Variants in NRG3 observed in about 807,000 individuals in gnomAD.
The protein encoded by NRG3 is neuregulin 3, also known as pro-neuregulin-3, membrane-bound isoform.
NRG3 carries 31 observed loss-of-function variants against 66.9 expected under a neutral mutation model. That is an observed-to-expected ratio of 0.46 (90% CI 0.35 to 0.63). NRG3 has a LOEUF of 0.63. Ranked by LOEUF, NRG3 falls within the 20% of genes least tolerant of loss-of-function variation. The pLI, the probability that NRG3 is intolerant of heterozygous loss-of-function variation, is 0.00. For missense variants in NRG3, 910 were observed against 878.9 expected (o/e 1.04, Z -0.45); for synonymous variants, 393 against 359.4 (o/e 1.09, Z -1.06).
chr10:82,523,185 C>T (rs150530419), intron 2 of NRG3, among the ~76,000 whole-genome samples: 2 of 152,284 alleles, frequency 1.3e-5, no homozygotes, highest in African/African-American at 2.4e-5. Flanking sequence ...AGTTATTTCA[C>T]ATTTTGGCTA....
intron 2 of NRG3, among the ~76,000 whole-genome samples, chr10:82,655,693 T>C: frequency 6.6e-6 from 1 of 152,222 alleles, no homozygotes; most frequent in East Asian, 1.9e-4. Flanking sequence ...CTGATTACAG[T>C]ATTGTTTGAA....
intron 1 of NRG3, among the ~76,000 whole-genome samples, chr10:82,249,375 G>T (rs1210260532): frequency 6.6e-6 from 1 of 151,944 alleles, no homozygotes; most frequent in Non-Finnish European, 1.5e-5. Flanking sequence ...CATTTGCACC[G>T]GCCACTACCC....
rs58746808 is a variant in NRG3 at position 82,517,645 on chromosome 10, TTGTGTG to T, written c.953+158796_953+158801del. On this transcript the variant is annotated intron_variant, in intron 2 of 8. Coordinates refer to ENST00000372141, the MANE Select transcript of NRG3 (RefSeq NM_001010848.4). ...TCTCACCCCGCCCCCCCGTGTGTGTTTGTGTGTGTGTGTGTGTGTGTGTGCATGTGT... is the reference window on the plus strand; with the variant it reads ...TCTCACCCCGCCCCCCCGTGTGTGTTTGTGTGTGTGTGTGTGTGCATGTGT... Among the ~76,000 whole-genome samples the T allele has an allele frequency of 1.5e-3, 211 of 144,532 alleles. 1 individual carries two copies. Among genetic ancestry groups the T allele is most frequent in the African/African-American group, 3.8e-3 (148 of 39,286 alleles). 94.8% of individuals were successfully genotyped at this position (144,532 alleles called of 152,430 possible). A position where few individuals can be genotyped will look rare whatever the true frequency, so the allele number is the denominator to read the frequency against.
chr10:82,836,146 A>T (rs1462561700), intron 3 of NRG3, among the ~76,000 whole-genome samples: 1 of 152,114 alleles, frequency 6.6e-6, no homozygotes, highest in African/African-American at 2.4e-5. Context: ...ATATGGCCAT[A>T]CTCAGTTATT....
chr10:82,366,648 C>A (rs1388050586), intron 2 of NRG3, among the ~76,000 whole-genome samples: 1 of 151,978 alleles, frequency 6.6e-6, no homozygotes, highest in East Asian at 1.9e-4. Context: ...AATTTTGTGA[C>A]ACAATACAAT....
intron 1 of NRG3, among the ~76,000 whole-genome samples, chr10:81,960,667 G>A (rs1297037032): frequency 6.6e-6 from 1 of 151,280 alleles, no homozygotes; most frequent in Non-Finnish European, 1.5e-5. Context: ...TGGTTAAAGA[G>A]ACATACGAGA....
intron 2 of NRG3, among the ~76,000 whole-genome samples, chr10:82,420,356 T>A (rs2088970741): frequency 6.6e-6 from 1 of 152,150 alleles, no homozygotes; most frequent in Admixed American, 6.6e-5. Flanking sequence ...ACAGAATATA[T>A]AACTACATTT....
chr10:81,886,969 T>C (rs1842659374), intron 1 of NRG3, among the ~76,000 whole-genome samples: 1 of 152,180 alleles, frequency 6.6e-6, no homozygotes, highest in Admixed American at 6.6e-5. Context: ...TATTGTACTT[T>C]TTTGTATTAT....
chr10:82,427,406 C>G (rs780205854), intron 2 of NRG3, among the ~76,000 whole-genome samples: 1 of 151,984 alleles, frequency 6.6e-6, no homozygotes, highest in Non-Finnish European at 1.5e-5. Context: ...AGACTTTTTG[C>G]CAAATGCTTT....
intron 3 of NRG3, among the ~76,000 whole-genome samples, chr10:82,753,476 C>G (rs1377901565): frequency 6.6e-6 from 1 of 152,030 alleles, no homozygotes; most frequent in Non-Finnish European, 1.5e-5. Context: ...AGTTCAGGCA[C>G]AACAGGAAAC....
At chr10:82,742,996 G>A (rs575596121) in intron 3 of NRG3, among the ~76,000 whole-genome samples, 1 of 152,100 alleles carries the variant, frequency 6.6e-6, no homozygotes, top group South Asian at 2.1e-4. Flanking sequence ...ATGCTGCAGA[G>A]AACAGACTCA....
At chr10:82,884,143 C>A (rs940578766) in intron 4 of NRG3, among the ~76,000 whole-genome samples, 2 of 150,266 alleles carry the variant, frequency 1.3e-5, no homozygotes, top group Non-Finnish European at 3.0e-5. Flanking sequence ...ACCTGTCTAC[C>A]ATTAAAAATT....
chr10:82,701,107 T>A (rs1889707), intron 2 of NRG3, among the ~76,000 whole-genome samples: 140,341 of 151,996 alleles, frequency 0.92, 64,844 homozygotes, highest in East Asian at 1. Flanking sequence ...AAAACAAATA[T>A]CAGTTATAAC....
intron 3 of NRG3, among the ~76,000 whole-genome samples, chr10:82,817,852 A>G (rs2061780053): frequency 6.6e-6 from 1 of 152,232 alleles, no homozygotes; most frequent in Admixed American, 6.5e-5. Flanking sequence ...GATCCATTGA[A>G]GACCCAGCTT....
chr10:82,710,121 G>A (rs1457447265), intron 2 of NRG3, among the ~76,000 whole-genome samples: 1 of 152,132 alleles, frequency 6.6e-6, no homozygotes, highest in Non-Finnish European at 1.5e-5. Flanking sequence ...TAAGAATGCT[G>A]CCATTAACAT....
At chr10:82,965,167 C>A (rs1163693536) in intron 6 of NRG3, among the ~76,000 whole-genome samples, 1 of 152,174 alleles carries the variant, frequency 6.6e-6, no homozygotes, top group African/African-American at 2.4e-5. Context: ...TGAACTGGGG[C>A]ATCTCCTTAT....
At chr10:82,006,112 A>G (rs2061367886) in intron 1 of NRG3, among the ~76,000 whole-genome samples, 1 of 152,108 alleles carries the variant, frequency 6.6e-6, no homozygotes, top group South Asian at 2.1e-4. Flanking sequence ...CCCACATTCT[A>G]AAATCAGTCA....
intron 1 of NRG3, among the ~76,000 whole-genome samples, chr10:82,169,481 T>A (rs116687862): frequency 0.018 from 2,727 of 151,788 alleles, 82 homozygotes; most frequent in African/African-American, 0.061. Flanking sequence ...ATTCTAAAAA[T>A]GTTCTTGTGT....
rs11196536 is a variant in NRG3, at chr10:82,930,234, T to A, written c.1055-21235T>A. 9.3e-4 allele frequency among the ~76,000 whole-genome samples: 142 copies of A among 152,340 alleles called. 4 individuals are homozygous for A. In the East Asian group the frequency reaches 0.025, roughly 27 times the overall value. ...CTGCACACCAGTTTTTTATTCACAG[T>A]TTCCCCTTGTGTGGCAATTTATTTG... On this transcript the variant is annotated intron_variant, in intron 4 of 8. Coordinates refer to ENST00000372141, the MANE Select transcript of NRG3 (RefSeq NM_001010848.4).
Sources: allele counts gnomAD v4.1 joint callset (sites outside exome capture counted in the v4.1 genomes callset), GRCh38; gene constraint gnomAD v4.1.1; transcripts MANE v1.5; gene names NCBI Gene and HGNC (gene_info 2026-07-23, HGNC 2026-07-21).